GABRG3: variants seen among roughly 807,000 people sequenced by gnomAD.
GABRG3 encodes the protein gamma-aminobutyric acid receptor subunit gamma-3.
A neutral mutation model predicts 48.8 loss-of-function variants in GABRG3; 25 were observed. That is an observed-to-expected ratio of 0.51 (90% CI 0.37 to 0.72). The LOEUF is 0.72. Among genes scored for constraint, GABRG3 ranks in the 30% least tolerant of loss-of-function variants. The pLI is 0.00. For synonymous variants in GABRG3, 227 were observed against 217.6 expected (o/e 1.04, Z -0.38); for missense variants, 394 against 577.9 (o/e 0.68, Z 3.26).
intron 5 of GABRG3, among the ~76,000 whole-genome samples, chr15:27,355,318 G>C (rs147016657): frequency 5.9e-5 from 9 of 151,972 alleles, no homozygotes; most frequent in African/African-American, 2.2e-4. Context: ...ATGGGCAAAG[G>C]GTTTGAATAG....
At chr15:27,150,913 A>G (rs929105627) in intron 3 of GABRG3, among the ~76,000 whole-genome samples, 12 of 152,220 alleles carry the variant, frequency 7.9e-5, no homozygotes, top group African/African-American at 2.7e-4. Context: ...GGAGTTCAGC[A>G]GGGATTTTTA....
intron 5 of GABRG3, among the ~76,000 whole-genome samples, chr15:27,340,135 G>A (rs1375535800): frequency 5.9e-5 from 9 of 152,090 alleles, no homozygotes; most frequent in Admixed American, 5.9e-4. Context: ...CAAGTTATAC[G>A]ATGATGGAAG....
chr15:27,331,108 T>C (rs371597199), intron 5 of GABRG3, among the ~76,000 whole-genome samples: 3 of 152,242 alleles, frequency 2.0e-5, no homozygotes, highest in African/African-American at 7.2e-5. Context: ...GCAGTGGGGA[T>C]GTGGGGCAAC....
At chr15:27,178,178 G>A (rs1026273950) in intron 3 of GABRG3, among the ~76,000 whole-genome samples, 3 of 152,180 alleles carry the variant, frequency 2.0e-5, no homozygotes, top group Non-Finnish European at 2.9e-5. Context: ...GAGAATTTTT[G>A]TCAACTGTAT....
At chr15:27,521,833 T>C (rs1891167342) in intron 7 of GABRG3, among the ~76,000 whole-genome samples, 1 of 151,750 alleles carries the variant, frequency 6.6e-6, no homozygotes, top group South Asian at 2.1e-4. Flanking sequence ...GAATAAAAGA[T>C]TAAAAAGAAA....
intron 5 of GABRG3, among the ~76,000 whole-genome samples, chr15:27,436,588 C>G (rs984304732): frequency 6.6e-6 from 1 of 152,184 alleles, no homozygotes; most frequent in Non-Finnish European, 1.5e-5. Context: ...TCTTGTTAAA[C>G]ATACAAGTGG....
chr15:27,147,143 A>G lies in GABRG3; in HGVS notation c.270+120322A>G, dbSNP rs1036195436. On this transcript the variant is annotated intron_variant, in intron 3 of 9. Coordinates refer to ENST00000615808, the MANE Select transcript of GABRG3 (RefSeq NM_033223.5). The stretch of plus-strand genomic sequence containing the variant: ...AAAGAGAGCTGGGGTTGCTATATTA[A>G]TCTTGGACAAAGTAGACTTTAACAC... Among the ~76,000 whole-genome samples, 4 of 152,152 alleles carry G rather than the reference A, an allele frequency of 2.6e-5. No individual in the cohort carries two copies. In the East Asian group the frequency reaches 7.7e-4, roughly 29 times the overall value.
Position 27,488,236 on chromosome 15 carries a change from G to A in GABRG3, c.712+7449G>A, listed in dbSNP as rs576665066. On this transcript the variant is annotated intron_variant, in intron 6 of 9. Coordinates refer to ENST00000615808, the MANE Select transcript of GABRG3 (RefSeq NM_033223.5). Reference sequence around the variant, plus strand: ...CTCCAGGAGGCCATTTTCAGGAGCCGCTCCCACGTCCCTCAAAGGCCAAGA... The same window carrying A: ...CTCCAGGAGGCCATTTTCAGGAGCCACTCCCACGTCCCTCAAAGGCCAAGA... Among the ~76,000 whole-genome samples, 5 of 152,212 alleles carry A rather than the reference G, an allele frequency of 3.3e-5. No homozygotes were observed. In the South Asian group the frequency reaches 6.2e-4, roughly 19 times the overall value.
chr15:27,140,723 C>T (rs1275542905), intron 3 of GABRG3, among the ~76,000 whole-genome samples: 4 of 151,936 alleles, frequency 2.6e-5, no homozygotes, highest in Non-Finnish European at 5.9e-5. Context: ...ATAATAGTAT[C>T]TTATTCTTGT....
At chr15:27,010,088 G>A (rs1442863977) in intron 2 of GABRG3, among the ~76,000 whole-genome samples, 1 of 152,148 alleles carries the variant, frequency 6.6e-6, no homozygotes, top group Non-Finnish European at 1.5e-5. Context: ...GGAGCTACAG[G>A]CACATACTAC....
At chr15:27,217,139 G>T (rs1211466593) in intron 3 of GABRG3, among the ~76,000 whole-genome samples, 1 of 151,778 alleles carries the variant, frequency 6.6e-6, no homozygotes, top group African/African-American at 2.4e-5. Flanking sequence ...AGTATTCCAT[G>T]GTGTATATGT....
intron 5 of GABRG3, among the ~76,000 whole-genome samples, chr15:27,403,014 T>A (rs1243543994): frequency 6.6e-6 from 1 of 151,912 alleles, no homozygotes; most frequent in African/African-American, 2.4e-5. Context: ...TCAATCAGAC[T>A]GCCAAAGAAC....
At chr15:27,142,339 T>TA (rs1898119211) in intron 3 of GABRG3, among the ~76,000 whole-genome samples, 1 of 152,146 alleles carries the variant, frequency 6.6e-6, no homozygotes, top group African/African-American at 2.4e-5. Flanking sequence ...CGTGGCTGGG[T>TA]AAGCCTCACA....
intron 3 of GABRG3, among the ~76,000 whole-genome samples, chr15:27,132,471 G>GTTTT (rs59023766): frequency 2.3e-3 from 89 of 39,530 alleles, no homozygotes; most frequent in African/African-American, 5.3e-3. Flanking sequence ...AGTAGTTACA[G>GTTTT]TTTTTTTTTT....
Position 27,532,701 on chromosome 15 carries a change from T to C in GABRG3, c.1224T>C (p.Cys408=), listed in dbSNP as rs1335455947. 2 of 1,614,000 alleles carry C rather than the reference T, an allele frequency of 1.2e-6. No homozygotes were observed. The highest frequency in any genetic ancestry group is 2.2e-5 in the South Asian group (2 of 91,082). ...QEFEDTCVYE[C]LDGKDCQSFF... is the part of the protein sequence containing the mutation. ...TTGAAGATACCTGTGTCTATGAGTG[T>C]CTGGATGGCAAAGACTGTCAGAGCT... The change falls in exon 10 of 10, where the codon TGT becomes TGC. Residue 408 remains cysteine, a synonymous_variant. Coordinates refer to ENST00000615808, the MANE Select transcript of GABRG3 (RefSeq NM_033223.5).
chr15:27,197,401 G>C (rs1338031511), intron 3 of GABRG3, among the ~76,000 whole-genome samples: 1 of 151,914 alleles, frequency 6.6e-6, no homozygotes, highest in African/African-American at 2.4e-5. Flanking sequence ...TTCACAGAAG[G>C]GCTTTTGAGA....
At chr15:27,488,966 G>A (rs1239292017) in intron 6 of GABRG3, among the ~76,000 whole-genome samples, 1 of 152,060 alleles carries the variant, frequency 6.6e-6, no homozygotes, top group African/African-American at 2.4e-5. Flanking sequence ...TGCCATGGTG[G>A]TTTGCTGCAC....
chr15:27,304,085 C>T (rs897447703), intron 3 of GABRG3, among the ~76,000 whole-genome samples: 2 of 151,866 alleles, frequency 1.3e-5, no homozygotes, highest in Non-Finnish European at 2.9e-5. Flanking sequence ...AACGGAACAT[C>T]CTCAAAAATT....
intron 5 of GABRG3, among the ~76,000 whole-genome samples, chr15:27,335,368 G>T (rs1349758275): frequency 6.6e-6 from 1 of 152,150 alleles, no homozygotes; most frequent in Non-Finnish European, 1.5e-5. Flanking sequence ...AATGCACAAA[G>T]ATTTTAGTCT....
Sources: allele counts gnomAD v4.1 joint callset (sites outside exome capture counted in the v4.1 genomes callset), GRCh38; gene constraint gnomAD v4.1.1; transcripts MANE v1.5; gene names NCBI Gene and HGNC (gene_info 2026-07-23, HGNC 2026-07-21).